UGGT1: variants seen among roughly 807,000 people sequenced by gnomAD.
The protein encoded by UGGT1 is UDP-glucose:glycoprotein glucosyltransferase 1.
UGGT1 carries 107 observed loss-of-function variants against 203.9 expected under a neutral mutation model. The ratio of observed to expected loss-of-function variants is 0.52; its 90% CI spans 0.45 to 0.62. The LOEUF is 0.62. UGGT1 is among the 20% of genes least tolerant of loss of function. The probability of loss-of-function intolerance (pLI) is 0.00; values close to 1 mark genes in which losing one functional copy is unlikely to be tolerated. For missense variants in UGGT1, 1,673 were observed against 1,867.2 expected (o/e 0.90, Z 1.92); for synonymous variants, 628 against 653.5 (o/e 0.96, Z 0.59).
chr2:128,168,931 C>CAGCA (rs1374848926), intron 26 of UGGT1, among the ~76,000 whole-genome samples: 2 of 146,628 alleles, frequency 1.4e-5, no homozygotes, highest in Non-Finnish European at 3.0e-5. Context: ...CCTGTAATCC[C>CAGCA]AGCTACTTTG....
intron 15 of UGGT1, among the ~76,000 whole-genome samples, chr2:128,135,319 A>G (rs1046961495): frequency 8.5e-5 from 13 of 152,272 alleles, no homozygotes; most frequent in African/African-American, 2.7e-4. Flanking sequence ...TAGCCTGTCA[A>G]GGACTAAACA....
chr2:128,153,207 A>G (rs1690061267), intron 19 of UGGT1, among the ~76,000 whole-genome samples: 1 of 152,128 alleles, frequency 6.6e-6, no homozygotes, highest in African/African-American at 2.4e-5. Flanking sequence ...ATGGACCTGG[A>G]TTGTTCGCTT....
chr2:128,143,106 G>A lies in UGGT1; in HGVS notation c.1732G>A (p.Val578Met). Residue 578 changes from valine (V) to methionine (M), a missense_variant, in exon 17 of 41, where the codon GTG becomes ATG. Transcript: ENST00000259253. ...TTTCTTTCTTCAGATCTATAACAAG[G>A]TGAGGACTGGAGAAAAAGTGAAAGT... The part of the protein sequence containing the change: ...FQTLTHIYNK[V>M]RTGEKVKVEH... 3 of 1,607,846 alleles carry A rather than the reference G, an allele frequency of 1.9e-6. No homozygotes were observed. Among genetic ancestry groups the A allele is most frequent in the African/African-American group, 1.3e-5 (1 of 74,730 alleles).
intron 34 of UGGT1, among the ~76,000 whole-genome samples, chr2:128,179,363 G>A (rs145587280): frequency 2.0e-5 from 3 of 152,312 alleles, no homozygotes; most frequent in African/African-American, 7.2e-5. Context: ...GGGCCTCTGT[G>A]TAGGCTGCAG....
intron 6 of UGGT1, among the ~76,000 whole-genome samples, chr2:128,114,148 C>CG (rs1170129361): frequency 6.6e-6 from 1 of 152,020 alleles, no homozygotes; most frequent in Non-Finnish European, 1.5e-5. Flanking sequence ...GACAGAGTCT[C>CG]GCTCTGTCGC....
chr2:128,185,325 A>G (rs1691919025), intron 38 of UGGT1, among the ~76,000 whole-genome samples: 1 of 148,840 alleles, frequency 6.7e-6, no homozygotes, highest in Admixed American at 6.7e-5. Context: ...GTGCCACCAC[A>G]CCCAGCTAAT....
At position 128,134,890 on chromosome 2, in the gene UGGT1, T is replaced by A. The variant is rs953606149; in HGVS notation, c.1512T>A (p.Asp504Glu). ...TTCTTCAACAGGTTTTCATAGTTGA[T>A]CCTGCACATGAGACCACAGCAGAGT... Reference protein sequence around the residue: ...KNLHNMVFIVDPAHETTAELM... With the variant: ...KNLHNMVFIVEPAHETTAELM... The change falls in exon 15 of 41, where the codon GAT (aspartate) becomes GAA (glutamate). Residue 504 changes from aspartate (D) to glutamate (E), a missense_variant. This residue lies in a region of UGGT1 where 1,073 missense variants were observed against 1,078.7 expected (regional missense o/e 0.99). Coordinates refer to ENST00000259253, the MANE Select transcript of UGGT1 (RefSeq NM_020120.4). 2.5e-6 allele frequency: 4 copies of A among 1,613,852 alleles called. No homozygotes were observed. The African/African-American group carries it at 4.0e-5, about 16-fold the overall frequency.
At chr2:128,153,040 G>GT in intron 19 of UGGT1, 136 bp downstream of exon 19, 2 of 1,261,130 alleles carry the variant, frequency 1.6e-6, no homozygotes, top group South Asian at 3.0e-5. Flanking sequence ...AAAATTTTAT[G>GT]TGTAAACTCT....
intron 31 of UGGT1, among the ~76,000 whole-genome samples, chr2:128,175,473 C>T (rs951682108): frequency 5.3e-5 from 8 of 152,296 alleles, no homozygotes; most frequent in African/African-American, 1.9e-4. Flanking sequence ...GAAGAGGCTT[C>T]CCGTCAGGTT....
chr2:128,189,773 T>C lies in UGGT1; in HGVS notation c.*31T>C. 6.2e-7 allele frequency: 1 copy of C among 1,611,236 alleles called. No individual in the cohort carries two copies. The highest frequency in any genetic ancestry group is 8.5e-7 in the Non-Finnish European group (1 of 1,178,218). On this transcript the variant is annotated 3_prime_UTR_variant, in exon 41 of 41. Transcript: ENST00000259253. ...GGAGAAGGACAGGAAATCACCCCAT[T>C]TGAAAAACAGTTTTTATAATAAATG...
chr2:128,129,398 T>A (rs1688768514), intron 13 of UGGT1, among the ~76,000 whole-genome samples: 1 of 24,016 alleles, frequency 4.2e-5, no homozygotes, highest in Non-Finnish European at 8.8e-5. Context: ...AAGACAGTGA[T>A]TTTTTTTTTT....
At chr2:128,187,230 C>T (rs940556636) in intron 39 of UGGT1, 2 of 424,350 alleles carry the variant, frequency 4.7e-6, no homozygotes, top group South Asian at 5.9e-5. Flanking sequence ...TCCAAATGGA[C>T]TTTCACTTTT....
chr2:128,133,516 C>G (rs544342710), intron 14 of UGGT1, among the ~76,000 whole-genome samples: 1 of 152,132 alleles, frequency 6.6e-6, no homozygotes, highest in East Asian at 1.9e-4. Context: ...AAGGTTTAGA[C>G]TATTGTTTTA....
At chr2:128,109,373 A>AT (rs962388599) in intron 4 of UGGT1, among the ~76,000 whole-genome samples, 15 of 151,346 alleles carry the variant, frequency 9.9e-5, no homozygotes, top group Middle Eastern at 3.2e-3. Flanking sequence ...CTAATTTTTT[A>AT]TTTTTTTTAT....
At chr2:128,188,766 C>T (rs1429486568) in intron 40 of UGGT1, among the ~76,000 whole-genome samples, 1 of 152,168 alleles carries the variant, frequency 6.6e-6, no homozygotes, top group East Asian at 1.9e-4. Context: ...CGACTGCACT[C>T]CAGCCTAGGT....
chr2:128,096,662 A>T (rs1380468319), intron 1 of UGGT1, among the ~76,000 whole-genome samples: 2 of 152,206 alleles, frequency 1.3e-5, no homozygotes, highest in African/African-American at 4.8e-5. Flanking sequence ...CTCTGTAAAG[A>T]CTGTATTTAC....
intron 23 of UGGT1, 82 bp downstream of exon 23, chr2:128,159,802 A>T: frequency 7.3e-7 from 1 of 1,378,676 alleles, no homozygotes. Flanking sequence ...TGTCCGGTTC[A>T]TGATCACGAT....
intron 27 of UGGT1, among the ~76,000 whole-genome samples, chr2:128,170,880 C>T (rs1434408485): frequency 1.3e-5 from 2 of 152,120 alleles, no homozygotes; most frequent in Non-Finnish European, 2.9e-5. Context: ...GTATTGGTAT[C>T]TCTGTTTTTT....
intron 37 of UGGT1, among the ~76,000 whole-genome samples, chr2:128,182,621 C>T (rs767352656): frequency 1.6e-4 from 24 of 148,016 alleles, no homozygotes; most frequent in Non-Finnish European, 3.4e-4. Context: ...ATTGCTTGAA[C>T]CCAGGAGGCG....
Sources: allele counts gnomAD v4.1 joint callset (sites outside exome capture counted in the v4.1 genomes callset), GRCh38; gene constraint gnomAD v4.1.1; regional missense constraint gnomAD v4.1.1; transcripts MANE v1.5; gene names NCBI Gene and HGNC (gene_info 2026-07-23, HGNC 2026-07-21).